The following PDE4D variants were observed in gnomAD, a reference collection of about 807,000 sequenced individuals.
The protein encoded by PDE4D is phosphodiesterase 4D, also known as 3',5'-cyclic-AMP phosphodiesterase 4D.
In PDE4D, 24 loss-of-function variants were observed where a neutral mutation model predicts 87.4. That is an observed-to-expected ratio of 0.27 (90% CI 0.20 to 0.39). PDE4D has a LOEUF of 0.39. PDE4D is among the 10% of genes least tolerant of loss of function. The pLI, the probability that PDE4D is intolerant of heterozygous loss-of-function variation, is 1.00. For synonymous variants in PDE4D, 384 were observed against 383.2 expected (o/e 1.00, Z -0.02); for missense variants, 714 against 1,041.0 (o/e 0.69, Z 4.32).
At chr5:59,580,350 A>C (rs1355139022) in intron 1 of PDE4D, among the ~76,000 whole-genome samples, 1 of 152,218 alleles carries the variant, frequency 6.6e-6, no homozygotes, top group Non-Finnish European at 1.5e-5. Context: ...TAAAGGATGT[A>C]ACTTATGTGA....
chr5:60,355,661 T>C (rs1330190617), intron 1 of PDE4D, among the ~76,000 whole-genome samples: 1 of 152,090 alleles, frequency 6.6e-6, no homozygotes, highest in African/African-American at 2.4e-5. Context: ...AGCAATACTA[T>C]AAACAGCCAA....
chr5:60,448,710 A>C (rs759853222), intron 1 of PDE4D: 1 of 152,132 alleles, frequency 6.6e-6, no homozygotes, highest in Non-Finnish European at 1.5e-5. Flanking sequence ...AGGAAAATGA[A>C]ATCTCAGTTT....
intron 6 of PDE4D, chr5:58,999,432 T>C: frequency 1.1e-6 from 1 of 877,338 alleles, no homozygotes; most frequent in Non-Finnish European, 1.8e-6. Context: ...GAGTCTAAGC[T>C]TTCTAAATAA....
intron 2 of PDE4D, among the ~76,000 whole-genome samples, chr5:60,181,392 C>A (rs1327164544): frequency 3.3e-5 from 5 of 151,176 alleles, no homozygotes; most frequent in African/African-American, 1.2e-4. Context: ...CCCCCAGACT[C>A]AAAACTGACA....
At chr5:59,414,455 A>G (rs1793246951) in intron 1 of PDE4D, among the ~76,000 whole-genome samples, 1 of 152,208 alleles carries the variant, frequency 6.6e-6, no homozygotes, top group Non-Finnish European at 1.5e-5. Context: ...ATGCAGGGAC[A>G]CTTCAGAAGA....
At chr5:59,008,318 C>A (rs1005147318) in intron 6 of PDE4D, among the ~76,000 whole-genome samples, 1 of 151,928 alleles carries the variant, frequency 6.6e-6, no homozygotes, top group Non-Finnish European at 1.5e-5. Context: ...CTCTGTACTT[C>A]GTGGTATGCT....
intron 2 of PDE4D, among the ~76,000 whole-genome samples, chr5:60,011,802 A>G (rs185974435): frequency 6.6e-6 from 1 of 152,288 alleles, no homozygotes; most frequent in Non-Finnish European, 1.5e-5. Context: ...CCTAATTAAT[A>G]ACTCGGTCAT....
chr5:59,963,925 C>T (rs1165425924), intron 3 of PDE4D, among the ~76,000 whole-genome samples: 1 of 152,156 alleles, frequency 6.6e-6, no homozygotes, highest in East Asian at 1.9e-4. Flanking sequence ...CATTTCTTAA[C>T]TTCATCTAAT....
chr5:58,999,673 T>C (rs1750071351), intron 6 of PDE4D: 1 of 1,116,810 alleles, frequency 9.0e-7, no homozygotes, highest in Non-Finnish European at 1.1e-6. Context: ...TTTTTGGTAA[T>C]TAAGTATACA....
chr5:60,338,080 G>C (rs1475548406), intron 1 of PDE4D, among the ~76,000 whole-genome samples: 1 of 152,054 alleles, frequency 6.6e-6, no homozygotes, highest in Non-Finnish European at 1.5e-5. Context: ...GAGTTATATA[G>C]GTAGATAAAG....
chr5:59,146,035 G>A (rs1407188625), intron 5 of PDE4D, among the ~76,000 whole-genome samples: 2 of 152,164 alleles, frequency 1.3e-5, no homozygotes, highest in East Asian at 3.9e-4. Context: ...GCTAAGGCAG[G>A]AGAATCGCTT....
At chr5:59,852,210 T>C (rs560132721) in intron 1 of PDE4D, among the ~76,000 whole-genome samples, 115 of 152,132 alleles carry the variant, frequency 7.6e-4, no homozygotes, top group African/African-American at 2.7e-3. Context: ...GCCTCCAAGA[T>C]GGCACCCAAT....
At chr5:60,219,061 C>A (rs950144131) in intron 1 of PDE4D, among the ~76,000 whole-genome samples, 3 of 152,050 alleles carry the variant, frequency 2.0e-5, no homozygotes, top group African/African-American at 7.2e-5. Context: ...TATACAGCAG[C>A]CTTATTATTT....
At chr5:60,346,250 G>A (rs1041883767) in intron 1 of PDE4D, among the ~76,000 whole-genome samples, 1 of 152,070 alleles carries the variant, frequency 6.6e-6, no homozygotes, top group African/African-American at 2.4e-5. Context: ...AAATTCAACT[G>A]GAAAGTTCTC....
chr5:59,355,446 T>A (rs1236770874), intron 1 of PDE4D, among the ~76,000 whole-genome samples: 1 of 152,152 alleles, frequency 6.6e-6, no homozygotes, highest in Admixed American at 6.5e-5. Context: ...AGCCACCATA[T>A]GTTGGAAATA....
chr5:59,267,287 G>T (rs1345901310), intron 1 of PDE4D, among the ~76,000 whole-genome samples: 1 of 152,036 alleles, frequency 6.6e-6, no homozygotes, highest in African/African-American at 2.4e-5. Context: ...TTGATGCAAA[G>T]AAAAAACTCT....
At chr5:59,457,710 G>T (rs186869576) in intron 1 of PDE4D, among the ~76,000 whole-genome samples, 261 of 152,108 alleles carry the variant, frequency 1.7e-3, no homozygotes, top group African/African-American at 6.1e-3. Context: ...GGCCAACATG[G>T]TGAAACCCCA....
At chr5:59,906,240 TTTAG>T (rs756914812) in intron 3 of PDE4D, among the ~76,000 whole-genome samples, 2 of 152,168 alleles carry the variant, frequency 1.3e-5, no homozygotes, top group Non-Finnish European at 2.9e-5. Flanking sequence ...TTTACATTTC[TTTAG>T]TTAAAGAATT....
At chr5:60,450,248 T>C (rs1351206060) in intron 1 of PDE4D, among the ~76,000 whole-genome samples, 4 of 152,140 alleles carry the variant, frequency 2.6e-5, no homozygotes, top group Non-Finnish European at 5.9e-5. Flanking sequence ...TTAGCTCATA[T>C]ATATCAAAAG....
Sources: gnomAD v4.1 joint callset for allele counts (sites outside exome capture counted in the v4.1 genomes callset) on GRCh38, gnomAD v4.1.1 for gene constraint, MANE v1.5 for transcripts, NCBI Gene and HGNC (gene_info 2026-07-23, HGNC 2026-07-21) for gene names.